Variants in SPATS2L observed in about 807,000 individuals in gnomAD.
SPATS2L encodes SPATS2-like protein.
Under a neutral mutation model 59.6 loss-of-function variants are expected in SPATS2L, and 30 were observed. The observed-to-expected ratio is 0.50, with a 90% CI of 0.38 to 0.68. The LOEUF is 0.68. Among genes scored for constraint, SPATS2L ranks in the 30% least tolerant of loss-of-function variants. SPATS2L has a pLI of 0.00. For missense variants in SPATS2L, 615 were observed against 700.0 expected (o/e 0.88, Z 1.37); for synonymous variants, 252 against 263.5 (o/e 0.96, Z 0.42).
chr2:200,313,196 C>T (rs545227917), intron 1 of SPATS2L, among the ~76,000 whole-genome samples: 5 of 152,270 alleles, frequency 3.3e-5, no homozygotes, highest in South Asian at 2.1e-4. Context: ...CTGTCAGCAA[C>T]GCCTGTGGCT....
rs540548566 is a variant in SPATS2L, at chr2:200,423,919, T to C, written c.445+4423T>C. Among the ~76,000 whole-genome samples, 6 of 152,308 alleles carry C rather than the reference T, an allele frequency of 3.9e-5. No homozygotes were observed. The South Asian group carries it at 8.3e-4, about 21-fold the overall frequency. The stretch of plus-strand genomic sequence containing the variant: ...TAGGGGAAAAGTTAGCTTTAAGATA[T>C]ATGCAGGTGGCTCAGGGGTGTTAGT... On this transcript the variant is annotated intron_variant, in intron 6 of 12. Transcript: ENST00000409140.
chr2:200,407,254 GT>G (rs1042611206), intron 3 of SPATS2L, among the ~76,000 whole-genome samples: 2 of 152,154 alleles, frequency 1.3e-5, no homozygotes, highest in African/African-American at 4.8e-5. Flanking sequence ...AAAAATTTAA[GT>G]GGTTCACCCA....
Position 200,389,278 on chromosome 2 carries a change from GA to G in SPATS2L, c.38del (p.Lys13ArgfsTer17). 6.3e-7 allele frequency: 1 copy of G among 1,579,980 alleles called. No individual in the cohort carries two copies. The highest frequency in any genetic ancestry group is 1.8e-5 in the Admixed American group (1 of 55,882). ...AELNTHVNVK[E>X]KIYAVRSVVP... ...ACTCAATACTCATGTGAATGTCAAG[GA>G]AAAGGTAAGATCAAGTTATACGTTG... On this transcript the variant is annotated frameshift_variant, in exon 3 of 13. Transcript: ENST00000409140. LOFTEE classifies it high-confidence loss of function.
At chr2:200,455,215 A>AT (rs1404726530) in intron 8 of SPATS2L, among the ~76,000 whole-genome samples, 2 of 152,206 alleles carry the variant, frequency 1.3e-5, no homozygotes, top group African/African-American at 4.8e-5. Context: ...CTATCAAGAA[A>AT]TTTTTATTGA....
intron 2 of SPATS2L, among the ~76,000 whole-genome samples, chr2:200,336,240 C>G (rs1021493696): frequency 6.6e-6 from 1 of 152,134 alleles, no homozygotes; most frequent in Admixed American, 6.5e-5. Flanking sequence ...TTTATGATAC[C>G]TGGAAAACTA....
chr2:200,415,584 G>A (rs1460643900), intron 4 of SPATS2L, among the ~76,000 whole-genome samples: 3 of 152,170 alleles, frequency 2.0e-5, no homozygotes, highest in Non-Finnish European at 4.4e-5. Context: ...GGGAATGAAT[G>A]AATGAACTTT....
rs374077213 is a variant in SPATS2L, at chr2:200,420,283, CA to C, written c.445+790del. On this transcript the variant is annotated intron_variant, in intron 6 of 12. Transcript: ENST00000409140. Reference sequence around the variant, plus strand: ...CTGACCCAATGCCCCATTTTTAGAACAAATGTTAAAATAAATCTCATGCATA... The same window carrying C: ...CTGACCCAATGCCCCATTTTTAGAACAATGTTAAAATAAATCTCATGCATA... Among the ~76,000 whole-genome samples the C allele has an allele frequency of 1.9e-3, 291 of 150,066 alleles. 2 individuals are homozygous for C. The highest frequency in any genetic ancestry group is 7.0e-3 in the African/African-American group (278 of 39,614).
intron 12 of SPATS2L, among the ~76,000 whole-genome samples, chr2:200,475,392 AT>A (rs2087436108): frequency 6.6e-6 from 1 of 152,194 alleles, no homozygotes; most frequent in Non-Finnish European, 1.5e-5. Flanking sequence ...ACATCAATCC[AT>A]TTGTGTAAGG....
At chr2:200,463,244 T>C (rs1310200615) in intron 9 of SPATS2L, 3 of 152,220 alleles carry the variant, frequency 2.0e-5, no homozygotes. Flanking sequence ...AATTTGGTTC[T>C]CTGTGGTCTC....
chr2:200,444,584 GAA>G (rs3835861), intron 8 of SPATS2L, among the ~76,000 whole-genome samples: 5,195 of 152,190 alleles, frequency 0.034, 185 homozygotes, highest in East Asian at 0.15. Context: ...AGAGGAAAGG[GAA>G]ATCTGTGAAA....
Position 200,479,288 on chromosome 2 carries a change from C to T in SPATS2L, c.*1257C>T, listed in dbSNP as rs1166763671. On this transcript the variant is annotated 3_prime_UTR_variant, in exon 13 of 13. Coordinates refer to ENST00000409140, the MANE Select transcript of SPATS2L (RefSeq NM_001100423.2). ...AATTGTGGCAAAGGGCCACCATGCT[C>T]TTAAGACTCAAGTCTATTTTCCACA... 5.9e-6 allele frequency: 2 copies of T among 339,096 alleles called. No homozygotes were observed. Among genetic ancestry groups the T allele is most frequent in the Non-Finnish European group, 1.1e-5 (2 of 188,728 alleles). 21.0% of individuals were successfully genotyped at this position (339,096 alleles called of 1,614,324 possible).
intron 2 of SPATS2L, chr2:200,372,119 A>T (rs2081445016): frequency 8.1e-6 from 8 of 985,310 alleles, no homozygotes; most frequent in Non-Finnish European, 9.6e-6. Flanking sequence ...CTTTCAGACA[A>T]CACATGACTA....
chr2:200,337,383 T>C (rs938414114), intron 2 of SPATS2L, among the ~76,000 whole-genome samples: 1 of 152,200 alleles, frequency 6.6e-6, no homozygotes, highest in Non-Finnish European at 1.5e-5. Flanking sequence ...CCCTTGAACT[T>C]TGGGCCAGCC....
intron 6 of SPATS2L, among the ~76,000 whole-genome samples, chr2:200,430,317 ATAAT>A (rs2083833169): frequency 6.6e-6 from 1 of 152,106 alleles, no homozygotes; most frequent in Admixed American, 6.5e-5. Flanking sequence ...CTTTTTAAAG[ATAAT>A]TAAATTTTTG....
rs940469720 is a variant in SPATS2L, at chr2:200,419,471, T to C, written c.420T>C (p.Pro140=). Residue 140 remains proline (P), a synonymous_variant, in exon 6 of 13, where the codon CCT becomes CCC. Transcript: ENST00000409140. The stretch of plus-strand genomic sequence containing the variant: ...AAAAGATCTCGATACTTGAGGAACC[T>C]TCAAAGGCACTTCGTGGGGTCACAG... The part of the protein sequence containing the change: ...REKKISILEE[P]SKALRGVTEG... 3 of 1,613,906 alleles carry C rather than the reference T, an allele frequency of 1.9e-6. No individual in the cohort carries two copies. Among genetic ancestry groups the C allele is most frequent in the Non-Finnish European group, 1.7e-6 (2 of 1,179,856 alleles).
intron 2 of SPATS2L, among the ~76,000 whole-genome samples, chr2:200,372,453 G>GTACTATT (rs2081458004): frequency 2.6e-5 from 4 of 152,090 alleles, no homozygotes; most frequent in Admixed American, 1.3e-4. Flanking sequence ...GCCCAGGAAA[G>GTACTATT]GGTATTCCAT....
chr2:200,416,631 TG>T (rs1394396995), intron 5 of SPATS2L, among the ~76,000 whole-genome samples: 2 of 152,170 alleles, frequency 1.3e-5, no homozygotes, highest in Non-Finnish European at 2.9e-5. Context: ...TTCTACTCAG[TG>T]TTTTTAACAA....
chr2:200,360,894 A>C (rs1283702657), intron 2 of SPATS2L, among the ~76,000 whole-genome samples: 3 of 136,476 alleles, frequency 2.2e-5, no homozygotes, highest in African/African-American at 3.3e-5. Flanking sequence ...CCATTGTACG[A>C]CCCCCCGCCC....
At chr2:200,449,771 TA>T (rs2085313797) in intron 8 of SPATS2L, among the ~76,000 whole-genome samples, 1 of 152,198 alleles carries the variant, frequency 6.6e-6, no homozygotes, top group Non-Finnish European at 1.5e-5. Flanking sequence ...ATTATAATAC[TA>T]AAAAGTGAGT....
Sources: gnomAD v4.1 joint callset for allele counts (sites outside exome capture counted in the v4.1 genomes callset) on GRCh38, gnomAD v4.1.1 for gene constraint, MANE v1.5 for transcripts, NCBI Gene and HGNC (gene_info 2026-07-23, HGNC 2026-07-21) for gene names.